DNM3: variants seen among roughly 807,000 people sequenced by gnomAD.
DNM3 encodes dynamin-3.
In DNM3, 47 loss-of-function variants were observed where a neutral mutation model predicts 101.6. That is an observed-to-expected ratio of 0.46 (90% confidence interval 0.37 to 0.59). The LOEUF (loss-of-function observed/expected upper bound fraction) is 0.59. Among genes scored for constraint, DNM3 ranks in the 20% least tolerant of loss-of-function variants. DNM3 has a pLI of 0.00. For synonymous variants in DNM3, 385 were observed against 387.9 expected, an observed-to-expected ratio of 0.99 and a Z score of 0.09; for missense variants, 849 against 1,085.7, an observed-to-expected ratio of 0.78 and a Z score of 3.06.
intron 11 of DNM3, among the ~76,000 whole-genome samples, chr1:172,076,500 A>G (rs1301597484): frequency 1.3e-5 from 2 of 152,132 alleles, no homozygotes; most frequent in Non-Finnish European, 2.9e-5. Flanking sequence ...ATCAATACCT[A>G]GTTTATTGAG....
Position 172,068,872 on chromosome 1 carries a change from C to T in DNM3, c.1389C>T (p.His463=), listed in dbSNP as rs143938582. 2.0e-5 allele frequency: 32 copies of T among 1,571,254 alleles called. 1 individual carries two copies. The African/African-American group carries it at 2.7e-4, about 13-fold the overall frequency. The part of the protein sequence containing the change: ...CEETERIVAN[H]IREREGKTKD... ...AAACGGAAAGGATTGTTGCTAACCA[C>T]ATTCGTGAGCGAGAAGGGAAGACAA... The change falls in exon 11 of 21, where the codon CAC becomes CAT. Residue 463 remains histidine (H), a synonymous_variant. Coordinates refer to ENST00000627582, the MANE Select transcript of DNM3 (RefSeq NM_015569.5).
chr1:172,358,594 A>C (rs1416815923), intron 17 of DNM3, among the ~76,000 whole-genome samples: 1 of 151,998 alleles, frequency 6.6e-6, no homozygotes, highest in Non-Finnish European at 1.5e-5. Context: ...CCCCCACCAG[A>C]ATGAAACAGC....
chr1:172,041,920 G>T, intron 7 of DNM3, 89 bp from the exon 8 acceptor site: 2 of 1,429,722 alleles, frequency 1.4e-6, no homozygotes, highest in Middle Eastern at 1.9e-4. Flanking sequence ...CCTGGAAAAG[G>T]ATTCTAAGGA....
chr1:172,239,754 T>C (rs1365907057), intron 14 of DNM3, among the ~76,000 whole-genome samples: 1 of 148,020 alleles, frequency 6.8e-6, no homozygotes, highest in Non-Finnish European at 1.5e-5. Context: ...TGGTTATCTC[T>C]CTCCCCTCCG....
chr1:172,340,031 C>G (rs1042003477), intron 17 of DNM3, among the ~76,000 whole-genome samples: 1 of 152,064 alleles, frequency 6.6e-6, no homozygotes, highest in East Asian at 1.9e-4. Flanking sequence ...TATGAAAGGT[C>G]AGAGTGGTGT....
In DNM3 at chr1:172,106,250, G is replaced by A. The variant is rs532261052; in HGVS notation, c.1545+13375G>A. ...AGCCTGACCAACATGGCAAAACCCC[G>A]TCTCTACTAAAAATACAAAAATTGG... On this transcript the variant is annotated intron_variant, in intron 13 of 20. Coordinates refer to ENST00000627582, the MANE Select transcript of DNM3 (RefSeq NM_015569.5). Among the ~76,000 whole-genome samples the A allele has an allele frequency of 1.4e-4, 22 of 152,140 alleles. No homozygotes were observed. In the South Asian group the frequency reaches 2.9e-3, roughly 20 times the overall value.
At position 172,236,399 on chromosome 1, in the gene DNM3, T is replaced by C. The variant is rs142424065; in HGVS notation, c.1660-17174T>C. 2.6e-5 allele frequency among the ~76,000 whole-genome samples: 4 copies of C among 152,316 alleles called. No homozygotes were observed. The East Asian group carries it at 7.7e-4, about 29-fold the overall frequency. ...AGAAAAGAGAGAGAAGGGGTGGTAT[T>C]TCTAGAAAGGCAGGATAGCTCTGAC... On this transcript the variant is annotated intron_variant, in intron 14 of 20. Transcript: ENST00000627582.
At position 172,388,703 on chromosome 1, in the gene DNM3, C is replaced by T. The variant is rs752335258; in HGVS notation, c.2416C>T (p.Pro806Ser). Residue 806 changes from proline to serine, a missense_variant, in exon 20 of 21, where the codon CCA (proline) becomes TCA (serine). Physicochemically the swap from Pro to Ser is moderately conservative, Grantham distance 74 (BLOSUM62 -1). Coordinates refer to ENST00000627582, the MANE Select transcript of DNM3 (RefSeq NM_015569.5). ...PGPHSGAPPV[P>S]FRPGPLPPFP... ...CCCCCACTCTGGGGCTCCTCCAGTCCCATTCCGTCCAGGCCCATTACCTCC... is the reference window on the plus strand; with the variant it reads ...CCCCCACTCTGGGGCTCCTCCAGTCTCATTCCGTCCAGGCCCATTACCTCC... 3.7e-6 allele frequency: 6 copies of T among 1,613,754 alleles called. No homozygotes were observed. The highest frequency in any genetic ancestry group is 1.7e-5 in the Admixed American group (1 of 59,992).
At chr1:172,074,865 G>A (rs2125963008) in intron 11 of DNM3, among the ~76,000 whole-genome samples, 1 of 152,294 alleles carries the variant, frequency 6.6e-6, no homozygotes, top group South Asian at 2.1e-4. Flanking sequence ...GGTATTGCTG[G>A]TTCTAGGTCA....
In DNM3 at chr1:172,410,289, C is replaced by T; in HGVS notation, c.*2448C>T. On this transcript the variant is annotated 3_prime_UTR_variant, in exon 21 of 21. Coordinates refer to ENST00000627582, the MANE Select transcript of DNM3 (RefSeq NM_015569.5). ...AGTATGTGCATAGTTTGACGTGCAG[C>T]ATGCACACCAGGCCTTAAGATGGGA... 2 of 985,346 alleles carry T rather than the reference C, an allele frequency of 2.0e-6. No homozygotes were observed. Among genetic ancestry groups the T allele is most frequent in the Non-Finnish European group, 2.4e-6 (2 of 829,858 alleles). The allele number at this position is 985,346 out of a possible 1,614,324, so 61.0% of individuals were successfully genotyped here.
intron 14 of DNM3, among the ~76,000 whole-genome samples, chr1:172,215,751 T>A (rs2060671890): frequency 6.6e-6 from 1 of 151,998 alleles, no homozygotes; most frequent in Non-Finnish European, 1.5e-5. Flanking sequence ...TAAGAGTTAG[T>A]CCCTGTGACT....
intron 17 of DNM3, among the ~76,000 whole-genome samples, chr1:172,356,968 C>T (rs904756618): frequency 3.3e-5 from 5 of 151,958 alleles, no homozygotes; most frequent in African/African-American, 7.2e-5. Flanking sequence ...TTACAGGAGG[C>T]TCCCAATGAC....
intron 11 of DNM3, among the ~76,000 whole-genome samples, chr1:172,073,191 G>A (rs1284191850): frequency 6.6e-6 from 1 of 151,648 alleles, no homozygotes; most frequent in Non-Finnish European, 1.5e-5. Flanking sequence ...TATATATAGT[G>A]TATATATACA....
intron 17 of DNM3, among the ~76,000 whole-genome samples, chr1:172,347,398 T>C (rs1042750953): frequency 3.9e-5 from 6 of 152,078 alleles, no homozygotes; most frequent in African/African-American, 1.4e-4. Flanking sequence ...ATTTACAATT[T>C]TGGAGTTACT....
At chr1:172,323,375 C>T in intron 17 of DNM3, 35 bp downstream of exon 17, 1 of 1,600,722 alleles carries the variant, frequency 6.2e-7, no homozygotes, top group Non-Finnish European at 8.5e-7. Context: ...TCTTCTGTCC[C>T]CCCAGCCCCT....
chr1:172,318,017 C>T (rs912523757), intron 16 of DNM3, among the ~76,000 whole-genome samples: 1 of 152,176 alleles, frequency 6.6e-6, no homozygotes, highest in African/African-American at 2.4e-5. Context: ...AATCCAGCAG[C>T]ACATCAAAAA....
chr1:171,905,627 G>A (rs1230482410), intron 1 of DNM3, among the ~76,000 whole-genome samples: 1 of 152,092 alleles, frequency 6.6e-6, no homozygotes, highest in Non-Finnish European at 1.5e-5. Context: ...TTTACTTCAT[G>A]TAAGACTAGA....
At chr1:171,963,585 G>A (rs2043358697) in intron 2 of DNM3, among the ~76,000 whole-genome samples, 1 of 152,104 alleles carries the variant, frequency 6.6e-6, no homozygotes. Flanking sequence ...GGTGATGCAT[G>A]TTGATATTGG....
intron 14 of DNM3, chr1:172,132,770 T>A: frequency 1.6e-6 from 1 of 625,564 alleles, no homozygotes; most frequent in Admixed American, 2.8e-5. Flanking sequence ...ATTAATTAAC[T>A]CATTTAACCA....
Sources: gnomAD v4.1 joint callset for allele counts (sites outside exome capture counted in the v4.1 genomes callset) on GRCh38, gnomAD v4.1.1 for gene constraint, MANE v1.5 for transcripts, NCBI Gene and HGNC (gene_info 2026-07-23, HGNC 2026-07-21) for gene names.